Variants in SPATA2 observed in about 807,000 individuals in gnomAD.
The protein encoded by SPATA2 is spermatogenesis-associated protein 2.
SPATA2 carries 8 observed loss-of-function variants against 35.4 expected under a neutral mutation model. The observed-to-expected ratio is 0.23, with a 90% confidence interval of 0.13 to 0.41. SPATA2 has a LOEUF of 0.41. Ranked by LOEUF, SPATA2 falls within the 10% of genes least tolerant of loss-of-function variation. The pLI, the probability that SPATA2 is intolerant of heterozygous loss-of-function variation, is 1.00. For missense variants in SPATA2, 650 were observed against 698.7 expected (o/e 0.93, Z 0.79); for synonymous variants, 293 against 300.9 (o/e 0.97, Z 0.27).
At chr20:49,908,095 G>A (rs1273014150) in intron 2 of SPATA2, 60 bp downstream of exon 2, 1 of 1,484,624 alleles carries the variant, frequency 6.7e-7, no homozygotes, top group Non-Finnish European at 9.1e-7. Context: ...TCTCAGGAGG[G>A]ACTGCCAGGG....
Position 49,904,421 on chromosome 20 carries a change from GC to G in SPATA2, c.*1197del, listed in dbSNP as rs1281328970. ...AAGAGAAGAGGATTGAGATGGAGGGGCAGTAGGAATCCCAAATGATTTTCCT... is the reference window on the plus strand; with the variant it reads ...AAGAGAAGAGGATTGAGATGGAGGGGAGTAGGAATCCCAAATGATTTTCCT... On this transcript the variant is annotated 3_prime_UTR_variant, in exon 3 of 3. Coordinates refer to ENST00000289431, the MANE Select transcript of SPATA2 (RefSeq NM_006038.4). 2 of 152,550 alleles carry G rather than the reference GC, an allele frequency of 1.3e-5. No homozygotes were observed. The highest frequency in any genetic ancestry group is 4.8e-5 in the African/African-American group (2 of 41,438). The allele number at this position is 152,550 out of a possible 1,614,324, so 9.4% of individuals were successfully genotyped here.
intron 1 of SPATA2, among the ~76,000 whole-genome samples, chr20:49,914,335 T>C (rs774405534): frequency 6.6e-6 from 1 of 152,086 alleles, no homozygotes; most frequent in Non-Finnish European, 1.5e-5. Flanking sequence ...AGCTGGCCCA[T>C]TCAAGCAGAA....
chr20:49,908,834 C>G (rs1272398210), intron 1 of SPATA2, among the ~76,000 whole-genome samples: 1 of 152,142 alleles, frequency 6.6e-6, no homozygotes, highest in Non-Finnish European at 1.5e-5. Flanking sequence ...CGGGTGAGTA[C>G]AGCAGGAGCT....
In SPATA2 at chr20:49,906,490, T is replaced by C. The variant is rs1274461696; in HGVS notation, c.692A>G (p.Gln231Arg). 1 of 1,611,636 alleles carries C rather than the reference T, an allele frequency of 6.2e-7. No individual in the cohort carries two copies. Among genetic ancestry groups the C allele is most frequent in the Non-Finnish European group, 8.5e-7 (1 of 1,179,872 alleles). ...LTASMSRVAL[Q>R]KSASERAAKD... ...GGCCGCCCGCTCGCTGGCCGACTTC[T>C]GGAGTGCCACTCGTGACATGGAGGC... Residue 231 changes from glutamine (Q) to arginine (R), a missense_variant, in exon 3 of 3, where the codon CAG (glutamine) becomes CGG (arginine). Gln to Arg is a conservative substitution (Grantham distance 43). Coordinates refer to ENST00000289431, the MANE Select transcript of SPATA2 (RefSeq NM_006038.4). The surrounding 1 kb of genome is among the most constrained non-coding windows in gnomAD (Gnocchi z 8.2).
At position 49,905,788 on chromosome 20, in the gene SPATA2, CG is replaced by C; in HGVS notation, c.1393del (p.Arg465AlafsTer43). On this transcript the variant is annotated frameshift_variant, in exon 3 of 3. Coordinates refer to ENST00000289431, the MANE Select transcript of SPATA2 (RefSeq NM_006038.4). LOFTEE classifies it high-confidence loss of function. Reference sequence around the variant, plus strand: ...GGTGCAGGTGTTGGTGGCGCCTGGGCGGTTGCAGAAGCCACAGCGGGAAGTG... The same window carrying C: ...GGTGCAGGTGTTGGTGGCGCCTGGGCGTTGCAGAAGCCACAGCGGGAAGTG... Reference protein sequence around the residue: ...TPTSRCGFCNRPGATNTCTQC... With the variant: ...TPTSRCGFCNXPGATNTCTQC... 2 of 1,614,086 alleles carry C rather than the reference CG, an allele frequency of 1.2e-6. No individual in the cohort carries two copies. Among genetic ancestry groups the C allele is most frequent in the Non-Finnish European group, 1.7e-6 (2 of 1,179,988 alleles).
chr20:49,907,832 C>A (rs557070552), intron 2 of SPATA2, among the ~76,000 whole-genome samples: 8 of 150,280 alleles, frequency 5.3e-5, no homozygotes, highest in African/African-American at 1.7e-4. Flanking sequence ...CATACCACAG[C>A]CAGAATGACC....
rs1432340638 is a variant in SPATA2, at chr20:49,904,150, ATAG to A, written c.*1466_*1468del. 2 of 152,302 alleles carry A rather than the reference ATAG, an allele frequency of 1.3e-5. No homozygotes were observed. The highest frequency in any genetic ancestry group is 1.5e-5 in the Non-Finnish European group (1 of 67,974). 9.4% of individuals were successfully genotyped at this position (152,302 alleles called of 1,614,324 possible). A position where few individuals can be genotyped will look rare whatever the true frequency, so the allele number is the denominator to read the frequency against. ...CATCACAAACAGTTATGGCTAAAAT[ATAG>A]TTAGTTCACAAGGAAGCGGCTTTAT... is the stretch of plus-strand genomic sequence containing the variant. On this transcript the variant is annotated 3_prime_UTR_variant, in exon 3 of 3. Coordinates refer to ENST00000289431, the MANE Select transcript of SPATA2 (RefSeq NM_006038.4).
chr20:49,911,508 TA>T (rs923920883), intron 1 of SPATA2, among the ~76,000 whole-genome samples: 1 of 150,060 alleles, frequency 6.7e-6, no homozygotes, highest in Non-Finnish European at 1.5e-5. Flanking sequence ...TACCAAAATT[TA>T]AAAAAAAATT....
Position 49,906,338 on chromosome 20 carries a change from C to A in SPATA2, c.844G>T (p.Asp282Tyr). The change falls in exon 3 of 3, where the codon GAT becomes TAT. Residue 282 changes from aspartate to tyrosine, a missense_variant. Asp to Tyr is a radical substitution (Grantham distance 160, BLOSUM62 -3). Coordinates refer to ENST00000289431, the MANE Select transcript of SPATA2 (RefSeq NM_006038.4). The surrounding 1 kb of genome is among the most constrained non-coding windows in gnomAD (Gnocchi z 8.2). ...TCATCCTTGAGGTCGTCCCCCACAT[C>A]CGTTGCCACAGGCTCCTTCCGAAGA... ...LSLRKEPVAT[D>Y]VGDDLKDEII... is the part of the protein sequence containing the mutation. 6.2e-7 allele frequency: 1 copy of A among 1,610,748 alleles called. No individual in the cohort carries two copies. Among genetic ancestry groups the A allele is most frequent in the Non-Finnish European group, 8.5e-7 (1 of 1,177,892 alleles).
At position 49,908,149 on chromosome 20, in the gene SPATA2, C is replaced by A. The variant is rs2146831457; in HGVS notation, c.336+6G>T. The stretch of plus-strand genomic sequence containing the variant: ...GGCCTGTATGGAGGCTGCTCCAGGA[C>A]CTCACCTTGATGCTTCTGAATTCCT... On this transcript the variant is annotated splice_donor_region_variant and intron_variant, in intron 2 of 2. Transcript: ENST00000289431. The A allele has an allele frequency of 6.3e-7, 1 of 1,598,758 alleles. No individual in the cohort carries two copies. The highest frequency in any genetic ancestry group is 8.5e-7 in the Non-Finnish European group (1 of 1,171,790).
In SPATA2 at chr20:49,906,447, G is replaced by C. The variant is rs768729507; in HGVS notation, c.735C>G (p.Pro245=). 4 of 1,611,988 alleles carry C rather than the reference G, an allele frequency of 2.5e-6. No individual in the cohort carries two copies. In the South Asian group the frequency reaches 3.3e-5, roughly 13 times the overall value. ...SERAAKDYYK[P]RVTKPSRSVD... ...CTGACCTCGAGGGCTTGGTCACGCGGGGCTTGTAGTAGTCCTTGGCCGCCC... is the reference window on the plus strand; with the variant it reads ...CTGACCTCGAGGGCTTGGTCACGCGCGGCTTGTAGTAGTCCTTGGCCGCCC... Residue 245 remains proline, a synonymous_variant, in exon 3 of 3, where the codon CCC becomes CCG. Coordinates refer to ENST00000289431, the MANE Select transcript of SPATA2 (RefSeq NM_006038.4). This position sits in a 1 kb window ranked among gnomAD's most constrained non-coding sequence, Gnocchi z 8.2.
Position 49,905,880 on chromosome 20 carries a change from T to C in SPATA2, c.1302A>G (p.Pro434=), listed in dbSNP as rs747200799. ...GGCGGTCGAGGCCCTGAGTCTGGCC[T>C]GGGTACTTCTCCCGCAGAGATGCCC... ...AHGASLREKY[P]GQTQGLDRLP... The change falls in exon 3 of 3, where the codon CCA becomes CCG. Residue 434 remains proline, a synonymous_variant. Transcript: ENST00000289431. 31 of 1,613,142 alleles carry C rather than the reference T, an allele frequency of 1.9e-5. No homozygotes were observed. In the Admixed American group the frequency reaches 3.5e-4, roughly 18 times the overall value.
At position 49,907,385 on chromosome 20, in the gene SPATA2, C is replaced by A. The variant is rs1348494379; in HGVS notation, c.337-540G>T. On this transcript the variant is annotated intron_variant, in intron 2 of 2. Transcript: ENST00000289431. Reference sequence around the variant, plus strand: ...CAGCTACTTTGTTAAACACAGGAAGCAAAACCTCTCGCTTCCTAGTGGGGC... The same window carrying A: ...CAGCTACTTTGTTAAACACAGGAAGAAAAACCTCTCGCTTCCTAGTGGGGC... Among the ~76,000 whole-genome samples, 4 of 152,258 alleles carry A rather than the reference C, an allele frequency of 2.6e-5. No homozygotes were observed. The East Asian group carries it at 5.8e-4, about 22-fold the overall frequency.
intron 2 of SPATA2, 40 bp downstream of exon 2, chr20:49,908,115 G>A (rs929035523): frequency 6.5e-7 from 1 of 1,547,366 alleles, no homozygotes; most frequent in Non-Finnish European, 8.8e-7. Flanking sequence ...GGCAGGAAGA[G>A]AGAAGGAGGG....
chr20:49,913,136 G>C (rs571444701), intron 1 of SPATA2, among the ~76,000 whole-genome samples: 1 of 152,192 alleles, frequency 6.6e-6, no homozygotes, highest in Admixed American at 6.6e-5. Context: ...AGGAAAGAAA[G>C]AGACTAACAA....
rs2090123927 is a variant in SPATA2 at position 49,903,929 on chromosome 20, ATATATATATATATATATATATATT to A, written c.*1666_*1689del. The A allele has an allele frequency of 1.5e-5, 2 of 130,210 alleles. No individual in the cohort carries two copies. The highest frequency in any genetic ancestry group is 5.9e-5 in the African/African-American group (2 of 33,678). The allele number at this position is 130,210 out of a possible 1,614,324, so 8.1% of individuals were successfully genotyped here. A position where few individuals can be genotyped will look rare whatever the true frequency, so the allele number is the denominator to read the frequency against. ...TATATATATATATATATATATATAT[ATATATATATATATATATATATATT>A]AAAAAGAGAGCCATAGAAGATTTGG... On this transcript the variant is annotated 3_prime_UTR_variant, in exon 3 of 3. Transcript: ENST00000289431.
intron 1 of SPATA2, 43 bp from the exon 2 acceptor site, chr20:49,908,635 T>C (rs2090163988): frequency 1.4e-6 from 1 of 714,384 alleles, no homozygotes. Flanking sequence ...CTCGATACGG[T>C]CGCGCTTCGG....
rs2090161467 is a variant in SPATA2, at chr20:49,908,392, C to T, written c.99G>A (p.Arg33=). The T allele has an allele frequency of 3.7e-6, 6 of 1,614,172 alleles. No individual in the cohort carries two copies. Among genetic ancestry groups the T allele is most frequent in the Non-Finnish European group, 5.1e-6 (6 of 1,179,992 alleles). The part of the protein sequence containing the change: ...HESKVDTTTS[R]QRPGSDECLR... ...GGCACTCATCGCTGCCAGGCCGCTG[C>T]CTGCTGGTGGTGGTATCCACTTTGC... The change falls in exon 2 of 3, where the codon AGG becomes AGA. Residue 33 remains arginine (R), a synonymous_variant. Coordinates refer to ENST00000289431, the MANE Select transcript of SPATA2 (RefSeq NM_006038.4).
chr20:49,913,483 C>T (rs565439407), intron 1 of SPATA2: 1 of 152,232 alleles, frequency 6.6e-6, no homozygotes, highest in Non-Finnish European at 1.5e-5. Flanking sequence ...GAGAGGCCAA[C>T]TCACTTACCC....
Sources: gnomAD v4.1 joint callset for allele counts (sites outside exome capture counted in the v4.1 genomes callset) on GRCh38, gnomAD v4.1.1 for gene constraint, Gnocchi (gnomAD v3.1) non-coding constraint, MANE v1.5 for transcripts, NCBI Gene and HGNC (gene_info 2026-07-23, HGNC 2026-07-21) for gene names.